TBCEL: variants seen among roughly 807,000 people sequenced by gnomAD.
TBCEL encodes tubulin-specific chaperone cofactor E-like protein.
Under a neutral mutation model 44.2 loss-of-function variants are expected in TBCEL, and 15 were observed. The observed-to-expected ratio is 0.34, with a 90% CI of 0.23 to 0.52. The LOEUF is 0.52. Among genes scored for constraint, TBCEL ranks in the 20% least tolerant of loss-of-function variants. TBCEL has a pLI of 0.95. For synonymous variants in TBCEL, 171 were observed against 185.4 expected, an observed-to-expected ratio of 0.92 and a Z score of 0.63; for missense variants, 319 against 506.3, an observed-to-expected ratio of 0.63 and a Z score of 3.55.
chr11:121,088,979 A>G lies in TBCEL; in HGVS notation c.*1883A>G, dbSNP rs1946254825. 2 of 152,216 alleles carry G rather than the reference A, an allele frequency of 1.3e-5. No individual in the cohort carries two copies. The highest frequency in any genetic ancestry group is 1.3e-4 in the Admixed American group (2 of 15,278). The allele number at this position is 152,216 out of a possible 1,614,324, so 9.4% of individuals were successfully genotyped here. A position where few individuals can be genotyped will look rare whatever the true frequency, so the allele number is the denominator to read the frequency against. ...ATAGACAAGAATAATTATTTTGCAA[A>G]CACATTTTCCTGACAGATTTTTGGA... is the stretch of plus-strand genomic sequence containing the variant. On this transcript the variant is annotated 3_prime_UTR_variant, in exon 9 of 9. Coordinates refer to ENST00000683345, the MANE Select transcript of TBCEL (RefSeq NM_001363644.2).
intron 3 of TBCEL, among the ~76,000 whole-genome samples, chr11:121,046,459 G>A (rs1591390080): frequency 6.6e-6 from 1 of 152,014 alleles, no homozygotes; most frequent in African/African-American, 2.4e-5. Context: ...AATTGTGGGG[G>A]ATTAATATTG....
intron 2 of TBCEL, among the ~76,000 whole-genome samples, chr11:121,036,833 A>T (rs1322086120): frequency 6.6e-6 from 1 of 152,236 alleles, no homozygotes; most frequent in Non-Finnish European, 1.5e-5. Context: ...CCTTATATGC[A>T]ACGTAGTTCT....
chr11:121,064,157 C>A (rs979058061), intron 8 of TBCEL, among the ~76,000 whole-genome samples: 8 of 152,264 alleles, frequency 5.3e-5, no homozygotes, highest in African/African-American at 1.7e-4. Flanking sequence ...GCCGCTAAAC[C>A]TAGGAATATG....
At chr11:121,065,980 G>T (rs966318293) in intron 8 of TBCEL, among the ~76,000 whole-genome samples, 5 of 152,210 alleles carry the variant, frequency 3.3e-5, no homozygotes, top group Non-Finnish European at 7.3e-5. Flanking sequence ...CTTGGTACCA[G>T]TTTCTTAGTG....
chr11:121,069,940 T>C (rs1261055721), intron 8 of TBCEL, among the ~76,000 whole-genome samples: 1 of 152,030 alleles, frequency 6.6e-6, no homozygotes, highest in African/African-American at 2.4e-5. Context: ...CATTGAAAGG[T>C]TTCAAGTTGG....
In TBCEL at chr11:121,055,257, T is replaced by G. The variant is rs1444106759; in HGVS notation, c.661T>G (p.Ser221Ala). 1 of 1,611,674 alleles carries G rather than the reference T, an allele frequency of 6.2e-7. No individual in the cohort carries two copies. The highest frequency in any genetic ancestry group is 8.5e-7 in the Non-Finnish European group (1 of 1,178,770). ...GAATGCTATTGAGGAGCCTGATGATTCATTGGCCAGGTTGTTTCCTAATCT... is the reference window on the plus strand; with the variant it reads ...GAATGCTATTGAGGAGCCTGATGATGCATTGGCCAGGTTGTTTCCTAATCT... ...HLNAIEEPDD[S>A]LARLFPNLRS... The change falls in exon 6 of 9, where the codon TCA becomes GCA. Residue 221 changes from serine (S) to alanine (A), a missense_variant. Ser to Ala is a moderately conservative substitution (Grantham distance 99, BLOSUM62 1). Transcript: ENST00000683345.
intron 1 of TBCEL, among the ~76,000 whole-genome samples, chr11:121,034,056 A>G (rs961689742): frequency 2.6e-5 from 4 of 152,140 alleles, no homozygotes; most frequent in Non-Finnish European, 5.9e-5. Flanking sequence ...AAATAATACT[A>G]CTGTGAACAT....
At chr11:121,045,903 A>G (rs1945421958) in intron 3 of TBCEL, 80 bp downstream of exon 3, 1 of 1,364,802 alleles carries the variant, frequency 7.3e-7, no homozygotes, top group Non-Finnish European at 9.6e-7. Flanking sequence ...TTGTTTGCAA[A>G]TGATTTATTT....
intron 8 of TBCEL, among the ~76,000 whole-genome samples, chr11:121,063,759 C>T (rs546226485): frequency 3.3e-5 from 5 of 152,322 alleles, no homozygotes; most frequent in African/African-American, 1.2e-4. Flanking sequence ...TTTGCCTGCA[C>T]ATAACTTTGT....
rs1946250288 is a variant in TBCEL, at chr11:121,088,587, C to A, written c.*1491C>A. On this transcript the variant is annotated 3_prime_UTR_variant, in exon 9 of 9. Coordinates refer to ENST00000683345, the MANE Select transcript of TBCEL (RefSeq NM_001363644.2). ...TAAGTGAAGTATTTTTCAAAGAATG[C>A]AGTTATTATCTGATTGCATTTGACC... 1 of 152,098 alleles carries A rather than the reference C, an allele frequency of 6.6e-6. No individual in the cohort carries two copies. The allele number at this position is 152,098 out of a possible 1,614,324, so 9.4% of individuals were successfully genotyped here.
chr11:121,064,660 G>A (rs4396299), intron 8 of TBCEL, among the ~76,000 whole-genome samples: 37,198 of 151,860 alleles, frequency 0.24, 4,667 homozygotes, highest in East Asian at 0.33. Context: ...TCCCTGACCT[G>A]TAAAGTGTTT....
chr11:121,058,282 T>C, intron 6 of TBCEL, 63 bp from the exon 7 acceptor site: 1 of 1,557,920 alleles, frequency 6.4e-7, no homozygotes, highest in Non-Finnish European at 8.8e-7. Context: ...ATATTTTTGC[T>C]ATGTTTCTCT....
At chr11:121,025,572 CT>C (rs1945031388) in intron 1 of TBCEL, among the ~76,000 whole-genome samples, 1 of 152,088 alleles carries the variant, frequency 6.6e-6, no homozygotes, top group Non-Finnish European at 1.5e-5. Flanking sequence ...AAAAAAAATG[CT>C]GGCTGACATT....
chr11:121,046,331 A>G (rs913486068), intron 3 of TBCEL, among the ~76,000 whole-genome samples: 1 of 152,116 alleles, frequency 6.6e-6, no homozygotes, highest in Non-Finnish European at 1.5e-5. Context: ...GATGAGATAC[A>G]TTCTAGGAGA....
chr11:121,058,832 A>T (rs1440651405), intron 7 of TBCEL, among the ~76,000 whole-genome samples: 7 of 151,922 alleles, frequency 4.6e-5, no homozygotes, highest in Admixed American at 3.9e-4. Flanking sequence ...GATCATTTAG[A>T]TTGTAAATTC....
At chr11:121,054,809 T>G (rs559839128) in intron 5 of TBCEL, 75 of 335,778 alleles carry the variant, frequency 2.2e-4, no homozygotes, top group African/African-American at 1.5e-3. Flanking sequence ...TACTTAATTA[T>G]TTAAGCACAA....
At chr11:121,081,073 C>T (rs929058781) in intron 8 of TBCEL, among the ~76,000 whole-genome samples, 1 of 152,138 alleles carries the variant, frequency 6.6e-6, no homozygotes, top group Non-Finnish European at 1.5e-5. Flanking sequence ...TCAAAGACCC[C>T]TAAGGTTGAA....
intron 8 of TBCEL, among the ~76,000 whole-genome samples, chr11:121,061,430 C>T (rs931479026): frequency 2.3e-4 from 35 of 151,860 alleles, no homozygotes; most frequent in Non-Finnish European, 5.9e-5. Context: ...TACATACGTC[C>T]ATACAGTCAT....
chr11:121,024,535 T>TGGGCG (rs1945010515), intron 1 of TBCEL, among the ~76,000 whole-genome samples: 2 of 111,708 alleles, frequency 1.8e-5, no homozygotes, highest in African/African-American at 6.9e-5. Context: ...TGGGCTGGGC[T>TGGGCG]GGGCTGGGCT....
Sources: gnomAD v4.1 joint callset for allele counts (sites outside exome capture counted in the v4.1 genomes callset) on GRCh38, gnomAD v4.1.1 for gene constraint, MANE v1.5 for transcripts, NCBI Gene and HGNC (gene_info 2026-07-23, HGNC 2026-07-21) for gene names.